The following HMCES variants were observed in gnomAD, a reference collection of about 807,000 sequenced individuals.
HMCES encodes abasic site processing protein HMCES.
HMCES carries 27 observed loss-of-function variants against 35.1 expected under a neutral mutation model. The observed-to-expected ratio is 0.77, with a 90% CI of 0.57 to 1.06. The LOEUF (loss-of-function observed/expected upper bound fraction) is 1.06, where lower values mean the gene tolerates loss of function less well. Ranked by LOEUF, HMCES falls within the 50% of genes least tolerant of loss-of-function variation. The pLI is 0.00. For synonymous variants in HMCES, 130 were observed against 154.7 expected (o/e 0.84, Z 1.18); for missense variants, 391 against 430.4 (o/e 0.91, Z 0.81).
At position 129,295,174 on chromosome 3, in the gene HMCES, A is replaced by C. The variant is rs376938974; in HGVS notation, c.454-3180A>C. 2.0e-4 allele frequency among the ~76,000 whole-genome samples: 30 copies of C among 151,950 alleles called. 5 individuals are homozygous for C. Among genetic ancestry groups the C allele is most frequent in the Admixed American group, 9.2e-4 (14 of 15,246 alleles). On this transcript the variant is annotated intron_variant, in intron 4 of 6. Transcript: ENST00000383463. ...ACTCCATCTCAAAAAAAAAAAAAAA[A>C]AAATTCATGCTTTTTATTGATATAT...
intron 2 of HMCES, 150 bp from the exon 3 acceptor site, chr3:129,288,704 T>A: frequency 4.3e-6 from 3 of 690,816 alleles, no homozygotes; most frequent in Non-Finnish European, 6.3e-6. Context: ...TCAAAAAAAA[T>A]AAAAAAATTG....
At chr3:129,285,320 C>G (rs1560073123) in intron 2 of HMCES, among the ~76,000 whole-genome samples, 1 of 152,176 alleles carries the variant, frequency 6.6e-6, no homozygotes, top group African/African-American at 2.4e-5. Context: ...CCATGCCACA[C>G]ATTTTAACTA....
chr3:129,283,411 A>C lies in HMCES; in HGVS notation c.183+3496A>C, dbSNP rs542746496. On this transcript the variant is annotated intron_variant, in intron 2 of 6. Transcript: ENST00000383463. ...CAGTGGCGCAATCATGGCTCACTAC[A>C]ACCTTGACCTCCCAGGCTCAAGCGA... is the stretch of plus-strand genomic sequence containing the variant. Among the ~76,000 whole-genome samples, 6 of 149,952 alleles carry C rather than the reference A, an allele frequency of 4.0e-5. 1 individual carries two copies. The South Asian group carries it at 1.3e-3, about 32-fold the overall frequency.
At chr3:129,299,237 T>G (rs1349110191) in intron 5 of HMCES, among the ~76,000 whole-genome samples, 10 of 152,272 alleles carry the variant, frequency 6.6e-5, no homozygotes, top group Non-Finnish European at 2.9e-5. Flanking sequence ...TGGAAGTGAG[T>G]GTTGGAAGAA....
chr3:129,298,397 A>G lies in HMCES; in HGVS notation c.497A>G (p.Lys166Arg). ...GAADSPENWE[K>R]VWDNWRLLTM... ...GCAGATAGTCCTGAGAACTGGGAGA[A>G]AGTCTGGGACAACTGGAGGCTGCTG... is the stretch of plus-strand genomic sequence containing the variant. Residue 166 changes from lysine (K) to arginine (R), a missense_variant, in exon 5 of 7, where the codon AAA (lysine) becomes AGA (arginine). By Grantham distance (26) the Lys-to-Arg change is conservative. Transcript: ENST00000383463. The G allele has an allele frequency of 6.2e-7, 1 of 1,614,198 alleles. No homozygotes were observed. Among genetic ancestry groups the G allele is most frequent in the Non-Finnish European group, 8.5e-7 (1 of 1,180,028 alleles).
chr3:129,298,300 A>C, intron 4 of HMCES, 54 bp from the exon 5 acceptor site: 3 of 1,516,886 alleles, frequency 2.0e-6, no homozygotes. Flanking sequence ...CCTAACCTGC[A>C]TGTAGAAGAA....
intron 4 of HMCES, among the ~76,000 whole-genome samples, chr3:129,295,626 TTTTC>T (rs1250689982): frequency 6.6e-6 from 1 of 152,174 alleles, no homozygotes; most frequent in Non-Finnish European, 1.5e-5. Flanking sequence ...TGGTGTTTTG[TTTTC>T]TTTCAGTACT....
intron 2 of HMCES, among the ~76,000 whole-genome samples, chr3:129,283,385 GC>G (rs1940550077): frequency 6.7e-6 from 1 of 150,114 alleles, no homozygotes; most frequent in Non-Finnish European, 1.5e-5. Flanking sequence ...AGGCTGGAGT[GC>G]AGTGGCGCAA....
intron 4 of HMCES, among the ~76,000 whole-genome samples, chr3:129,295,041 C>T (rs1262561536): frequency 6.6e-6 from 1 of 151,800 alleles, no homozygotes; most frequent in African/African-American, 2.4e-5. Flanking sequence ...CACCTGTAGT[C>T]CCAGCTACTT....
At chr3:129,297,528 G>A (rs2107696086) in intron 4 of HMCES, among the ~76,000 whole-genome samples, 1 of 152,198 alleles carries the variant, frequency 6.6e-6, no homozygotes, top group Middle Eastern at 3.4e-3. Flanking sequence ...CTCCTGCCCT[G>A]TGCCGTCTTT....
intron 4 of HMCES, among the ~76,000 whole-genome samples, chr3:129,291,094 C>A (rs1211797835): frequency 6.6e-6 from 1 of 151,924 alleles, no homozygotes; most frequent in Non-Finnish European, 1.5e-5. Flanking sequence ...CCCAGCTACT[C>A]GGAAGGCTGA....
In HMCES at chr3:129,304,658, G is replaced by T. The variant is rs764250956; in HGVS notation, c.898G>T (p.Asp300Tyr). 8.1e-6 allele frequency: 13 copies of T among 1,614,078 alleles called. No homozygotes were observed. The highest frequency in any genetic ancestry group is 1.0e-5 in the Non-Finnish European group (12 of 1,180,050). The change falls in exon 7 of 7, where the codon GAC becomes TAC. Residue 300 changes from aspartate to tyrosine, a missense_variant. Physicochemically the swap from Asp to Tyr is radical, Grantham distance 160. Transcript: ENST00000383463. ...WLATKSPKKE[D>Y]SKTPQKEESD... ...GGCCACAAAGTCACCCAAAAAGGAA[G>T]ACTCAAAAACACCTCAAAAGGAAGA...
intron 6 of HMCES, among the ~76,000 whole-genome samples, chr3:129,303,712 C>T (rs1387403164): frequency 1.3e-5 from 2 of 151,718 alleles, no homozygotes; most frequent in Non-Finnish European, 2.9e-5. Flanking sequence ...TTGGACTAGA[C>T]GCTGCCCATT....
At chr3:129,281,734 C>T (rs968091036) in intron 2 of HMCES, among the ~76,000 whole-genome samples, 4 of 151,618 alleles carry the variant, frequency 2.6e-5, no homozygotes, top group African/African-American at 9.7e-5. Flanking sequence ...CACGGTGGCT[C>T]ACGCCTGTAA....
At chr3:129,289,291 G>A (rs1237678260) in intron 3 of HMCES, among the ~76,000 whole-genome samples, 2 of 152,198 alleles carry the variant, frequency 1.3e-5, no homozygotes, top group Non-Finnish European at 2.9e-5. Context: ...GCTGAGGCTG[G>A]ATGTCCAAGA....
intron 4 of HMCES, among the ~76,000 whole-genome samples, chr3:129,292,866 T>A (rs1256812523): frequency 6.6e-6 from 1 of 152,010 alleles, no homozygotes; most frequent in Non-Finnish European, 1.5e-5. Flanking sequence ...CTTTAAGGAG[T>A]ACTTTTATTA....
chr3:129,288,933 C>CTTG lies in HMCES; in HGVS notation c.263_264insTTG (p.Ser88_Lys89insCys), dbSNP rs1560074386. The CTTG allele has an allele frequency of 6.2e-7, 1 of 1,603,104 alleles. No homozygotes were observed. The highest frequency in any genetic ancestry group is 1.1e-5 in the South Asian group (1 of 90,296). ...TCTTGGTTCAAAGAAAGTGATCCTT[C>CTTG]CAAGCTGCAGTTCAATACTACCAAC... On this transcript the variant is annotated inframe_insertion, in exon 3 of 7. Coordinates refer to ENST00000383463, the MANE Select transcript of HMCES (RefSeq NM_020187.3).
chr3:129,300,911 G>A (rs899393153), intron 5 of HMCES, among the ~76,000 whole-genome samples: 2 of 151,956 alleles, frequency 1.3e-5, no homozygotes, highest in African/African-American at 4.8e-5. Context: ...GCTGCCTGTA[G>A]TCCCAGCTAC....
In HMCES at chr3:129,302,090, C is replaced by T. The variant is rs200290205; in HGVS notation, c.776C>T (p.Ser259Leu). 6.3e-5 allele frequency: 101 copies of T among 1,614,124 alleles called. 1 individual carries two copies. The South Asian group carries it at 8.8e-4, about 14-fold the overall frequency. ...GCAGTCTCTTCTGTGGTGAACAACT[C>T]GCGAAACAACACTCCTGAGTGTCTG... ...FHAVSSVVNN[S>L]RNNTPECLAP... The change falls in exon 6 of 7, where the codon TCG becomes TTG. Residue 259 changes from serine to leucine, a missense_variant. Transcript: ENST00000383463.
Sources: allele counts gnomAD v4.1 joint callset (sites outside exome capture counted in the v4.1 genomes callset), GRCh38; gene constraint gnomAD v4.1.1; transcripts MANE v1.5; gene names NCBI Gene and HGNC (gene_info 2026-07-23, HGNC 2026-07-21).